BICC1: variants seen among roughly 807,000 people sequenced by gnomAD.
BICC1 encodes BicC family RNA binding protein 1.
In BICC1, 43 loss-of-function variants were observed where a neutral mutation model predicts 111.0. The observed-to-expected ratio is 0.39, with a 90% CI of 0.30 to 0.50. The LOEUF is 0.50. Among genes scored for constraint, BICC1 ranks in the 20% least tolerant of loss-of-function variants. The pLI is 0.88. For missense variants in BICC1, 1,091 were observed against 1,203.2 expected (o/e 0.91, Z 1.38); for synonymous variants, 467 against 434.4 (o/e 1.07, Z -0.93).
intron 1 of BICC1, among the ~76,000 whole-genome samples, chr10:58,561,020 T>A (rs1187328611): frequency 6.6e-6 from 1 of 152,000 alleles, no homozygotes; most frequent in Non-Finnish European, 1.5e-5. Context: ...TTGGATGAAA[T>A]GTTCTGTAAA....
chr10:58,711,940 T>C (rs1840589037), intron 3 of BICC1, among the ~76,000 whole-genome samples: 1 of 151,958 alleles, frequency 6.6e-6, no homozygotes, highest in African/African-American at 2.4e-5. Context: ...GGAGAAAATA[T>C]TTGCAAAAGA....
intron 10 of BICC1, among the ~76,000 whole-genome samples, chr10:58,797,259 T>C (rs545905103): frequency 6.6e-6 from 1 of 152,316 alleles, no homozygotes; most frequent in South Asian, 2.1e-4. Context: ...TAATCAGTAC[T>C]CCTAGAAAAT....
intron 3 of BICC1, among the ~76,000 whole-genome samples, chr10:58,759,913 C>T (rs558786044): frequency 4.0e-5 from 6 of 149,450 alleles, no homozygotes; most frequent in Admixed American, 6.7e-5. Context: ...GAGCCGAGAT[C>T]GCGCTACCAC....
At chr10:58,813,526 C>A (rs1843980475) in intron 17 of BICC1, among the ~76,000 whole-genome samples, 1 of 152,232 alleles carries the variant, frequency 6.6e-6, no homozygotes, top group South Asian at 2.1e-4. Context: ...GTCTCAGCAT[C>A]CACTCTTCCA....
At chr10:58,566,843 T>G (rs1843780101) in intron 1 of BICC1, among the ~76,000 whole-genome samples, 1 of 152,138 alleles carries the variant, frequency 6.6e-6, no homozygotes, top group Non-Finnish European at 1.5e-5. Flanking sequence ...GTGTGCATTC[T>G]TCTGTTATTC....
At chr10:58,545,662 C>G (rs1170140333) in intron 1 of BICC1, among the ~76,000 whole-genome samples, 2 of 152,096 alleles carry the variant, frequency 1.3e-5, no homozygotes, top group Non-Finnish European at 2.9e-5. Context: ...TTCCATTGCC[C>G]CAACGTGTAA....
chr10:58,800,963 A>G lies in BICC1; in HGVS notation c.1932A>G (p.Lys644=), dbSNP rs144799707. ...ATTCTGGGAATGCTGGTGACTTGAA[A>G]CAGATGATGTGTCCCTCCAAGGTTT... ...PSHSGNAGDL[K]QMMCPSKVSC... Residue 644 remains lysine, a synonymous_variant, in exon 14 of 21, where the codon AAA becomes AAG. Transcript: ENST00000373886. 32 of 1,611,608 alleles carry G rather than the reference A, an allele frequency of 2.0e-5. No homozygotes were observed. The African/African-American group carries it at 3.5e-4, about 18-fold the overall frequency.
At chr10:58,628,541 A>T (rs139614433) in intron 2 of BICC1, among the ~76,000 whole-genome samples, 153 of 152,240 alleles carry the variant, frequency 1.0e-3, no homozygotes, top group Non-Finnish European at 1.8e-3. Context: ...CAGACCAAAG[A>T]TACTTAGTTT....
chr10:58,535,450 T>G (rs2131866232), intron 1 of BICC1, among the ~76,000 whole-genome samples: 1 of 151,796 alleles, frequency 6.6e-6, no homozygotes, highest in South Asian at 2.1e-4. Flanking sequence ...AGAATAACTG[T>G]CAGGCAAGAA....
intron 2 of BICC1, among the ~76,000 whole-genome samples, chr10:58,688,149 T>A (rs1207497934): frequency 6.6e-6 from 1 of 151,928 alleles, no homozygotes; most frequent in Non-Finnish European, 1.5e-5. Flanking sequence ...AGCAGCAAGA[T>A]TTATTATGAA....
chr10:58,658,772 C>G lies in BICC1; in HGVS notation c.237+37871C>G, dbSNP rs556525731. 1.8e-4 allele frequency among the ~76,000 whole-genome samples: 27 copies of G among 152,158 alleles called. No individual in the cohort carries two copies. The South Asian group carries it at 4.6e-3, about 26-fold the overall frequency. On this transcript the variant is annotated intron_variant, in intron 2 of 20. Transcript: ENST00000373886. ...GCTTCTGTGTCCTTTTGACATGCTC[C>G]CATCATTCCTGGAGCATTTTCCTGG...
intron 1 of BICC1, among the ~76,000 whole-genome samples, chr10:58,540,023 T>A (rs1842921146): frequency 6.6e-6 from 1 of 151,960 alleles, no homozygotes; most frequent in Admixed American, 6.6e-5. Flanking sequence ...CACTCTTGAA[T>A]AATCAGTGGA....
In BICC1 at chr10:58,830,937, C is replaced by T. The variant is rs1282770343; in HGVS notation, c.*2046C>T. ...GTTGTTATGCTTTTAATAAGACCTTCCCAGATAATAATCTTGGAGCTCTTT... is the reference window on the plus strand; with the variant it reads ...GTTGTTATGCTTTTAATAAGACCTTTCCAGATAATAATCTTGGAGCTCTTT... On this transcript the variant is annotated 3_prime_UTR_variant, in exon 21 of 21. Transcript: ENST00000373886. 1 of 152,182 alleles carries T rather than the reference C, an allele frequency of 6.6e-6. No homozygotes were observed. The highest frequency in any genetic ancestry group is 2.4e-5 in the African/African-American group (1 of 41,448). 9.4% of individuals were successfully genotyped at this position (152,182 alleles called of 1,614,324 possible).
In BICC1 at chr10:58,796,468, C is replaced by G. The variant is rs1843357435; in HGVS notation, c.1308C>G (p.Gly436=). 6.2e-7 allele frequency: 1 copy of G among 1,614,030 alleles called. No homozygotes were observed. Among genetic ancestry groups the G allele is most frequent in the Non-Finnish European group, 8.5e-7 (1 of 1,180,010 alleles). ...CATCCCCAGCATCCTGCCCTGCCGG[C>G]CTGGCATGTCCCAGCCTGGATATCT... ...TSPSPASCPA[G]LACPSLDILA... is the part of the protein sequence containing the mutation. Residue 436 remains glycine (G), a synonymous_variant, in exon 10 of 21, where the codon GGC becomes GGG. Coordinates refer to ENST00000373886, the MANE Select transcript of BICC1 (RefSeq NM_001080512.3).
intron 1 of BICC1, among the ~76,000 whole-genome samples, chr10:58,586,413 C>T (rs1844427439): frequency 6.6e-6 from 1 of 152,030 alleles, no homozygotes; most frequent in African/African-American, 2.4e-5. Context: ...AGTACTTTCT[C>T]CGTGTCAGGC....
intron 3 of BICC1, among the ~76,000 whole-genome samples, chr10:58,732,297 G>C (rs1247603500): frequency 6.8e-6 from 1 of 147,628 alleles, no homozygotes; most frequent in Non-Finnish European, 1.5e-5. Context: ...AAGGAGAAGA[G>C]AGGAAAGAGA....
At chr10:58,721,575 C>T (rs2132524441) in intron 3 of BICC1, among the ~76,000 whole-genome samples, 1 of 152,262 alleles carries the variant, frequency 6.6e-6, no homozygotes, top group Middle Eastern at 3.4e-3. Context: ...TGCTCCAAAC[C>T]ATCTGCAAAA....
In BICC1 at chr10:58,727,360, G is replaced by A. The variant is rs577360149; in HGVS notation, c.307+25217G>A. Among the ~76,000 whole-genome samples, 7 of 152,258 alleles carry A rather than the reference G, an allele frequency of 4.6e-5. No individual in the cohort carries two copies. In the South Asian group the frequency reaches 1.5e-3, roughly 32 times the overall value. ...CCAGTACTTTGGGAGGCTGAGGTGGGCAGATCACTTGAGCCCAGGAGTTCG... is the reference window on the plus strand; with the variant it reads ...CCAGTACTTTGGGAGGCTGAGGTGGACAGATCACTTGAGCCCAGGAGTTCG... On this transcript the variant is annotated intron_variant, in intron 3 of 20. Coordinates refer to ENST00000373886, the MANE Select transcript of BICC1 (RefSeq NM_001080512.3).
At chr10:58,801,069 A>C in intron 14 of BICC1, 23 bp downstream of exon 14, 1 of 1,547,016 alleles carries the variant, frequency 6.5e-7, no homozygotes, top group Non-Finnish European at 8.7e-7. Context: ...ATCTTTAAAG[A>C]GCCCTTGATA....
Sources: allele counts gnomAD v4.1 joint callset (sites outside exome capture counted in the v4.1 genomes callset), GRCh38; gene constraint gnomAD v4.1.1; transcripts MANE v1.5; gene names NCBI Gene and HGNC (gene_info 2026-07-23, HGNC 2026-07-21).